The following RORA variants were observed in gnomAD, a reference collection of about 807,000 sequenced individuals.
RORA encodes nuclear receptor ROR-alpha.
RORA carries 7 observed loss-of-function variants against 69.5 expected under a neutral mutation model. That is an observed-to-expected ratio of 0.10 (90% CI 0.06 to 0.19). The LOEUF (loss-of-function observed/expected upper bound fraction) is 0.19, where lower values mean the gene tolerates loss of function less well. RORA is among the 10% of genes least tolerant of loss of function. RORA has a pLI of 1.00. For missense variants in RORA, 457 were observed against 663.0 expected (o/e 0.69, Z 3.41); for synonymous variants, 261 against 240.8 (o/e 1.08, Z -0.78).
intron 1 of RORA, among the ~76,000 whole-genome samples, chr15:61,161,767 G>C (rs3919687): frequency 0.041 from 6,223 of 152,152 alleles, 443 homozygotes; most frequent in African/African-American, 0.14. Context: ...CCAATATGAA[G>C]TGCAAATCTA....
At chr15:60,546,776 A>G (rs2067083317) in intron 2 of RORA, among the ~76,000 whole-genome samples, 1 of 152,198 alleles carries the variant, frequency 6.6e-6, no homozygotes, top group African/African-American at 2.4e-5. Flanking sequence ...TAAAAGCACC[A>G]AGCGGCCTCA....
chr15:61,136,025 T>C (rs2079237074), intron 1 of RORA, among the ~76,000 whole-genome samples: 2 of 152,214 alleles, frequency 1.3e-5, no homozygotes, highest in Admixed American at 6.5e-5. Flanking sequence ...CCAGGTGGTA[T>C]TTGTTTGAAC....
chr15:60,846,258 G>T (rs2073263784), intron 1 of RORA, among the ~76,000 whole-genome samples: 1 of 152,304 alleles, frequency 6.6e-6, no homozygotes, highest in South Asian at 2.1e-4. Flanking sequence ...GAACCACATT[G>T]GTGCCCGTAC....
At chr15:60,879,744 G>A (rs921261317) in intron 1 of RORA, among the ~76,000 whole-genome samples, 2 of 152,202 alleles carry the variant, frequency 1.3e-5, no homozygotes, top group Non-Finnish European at 2.9e-5. Context: ...ATAGCACTGA[G>A]GGTTAGGGTC....
chr15:60,941,997 G>A (rs546683489), intron 1 of RORA, among the ~76,000 whole-genome samples: 1 of 152,270 alleles, frequency 6.6e-6, no homozygotes, highest in South Asian at 2.1e-4. Flanking sequence ...CATAAAATCT[G>A]CTAAGTCTTC....
intron 1 of RORA, chr15:60,706,322 C>T (rs866948989): frequency 2.0e-5 from 3 of 152,330 alleles, no homozygotes; most frequent in Middle Eastern, 3.4e-3. Context: ...ACAGCACCCT[C>T]AAGCAGCACA....
intron 1 of RORA, among the ~76,000 whole-genome samples, chr15:60,722,631 C>A (rs2071308051): frequency 6.6e-6 from 1 of 152,236 alleles, no homozygotes; most frequent in Non-Finnish European, 1.5e-5. Flanking sequence ...TCTGGTTCAG[C>A]TGACTTCCCT....
intron 1 of RORA, among the ~76,000 whole-genome samples, chr15:60,926,729 A>C (rs1490423819): frequency 6.6e-6 from 1 of 152,256 alleles, no homozygotes; most frequent in African/African-American, 2.4e-5. Context: ...AGCTGAATAC[A>C]TTATGATTTA....
intron 1 of RORA, among the ~76,000 whole-genome samples, chr15:61,074,349 T>C (rs978046064): frequency 6.6e-6 from 1 of 152,196 alleles, no homozygotes; most frequent in Non-Finnish European, 1.5e-5. Flanking sequence ...ATAAAGGAGT[T>C]ATATAATTTA....
At chr15:61,127,750 G>C (rs1177214165) in intron 1 of RORA, among the ~76,000 whole-genome samples, 2 of 152,118 alleles carry the variant, frequency 1.3e-5, no homozygotes, top group Non-Finnish European at 2.9e-5. Context: ...AGTTGTCCTT[G>C]AGCTCATTTG....
In RORA at chr15:61,033,153, T is replaced by C. The variant is rs1165319845; in HGVS notation, c.166+195900A>G. ...CTATACCCCAAGGAGTTTGTGCATG[T>C]TGATCACTGAGCTTGGAACAAATTT... is the stretch of plus-strand genomic sequence containing the variant. On this transcript the variant is annotated intron_variant, in intron 1 of 10. Coordinates refer to ENST00000335670, the MANE Select transcript of RORA (RefSeq NM_134261.3). Among the ~76,000 whole-genome samples, 3 of 152,274 alleles carry C rather than the reference T, an allele frequency of 2.0e-5. No individual in the cohort carries two copies. The East Asian group carries it at 5.8e-4, about 29-fold the overall frequency.
intron 1 of RORA, among the ~76,000 whole-genome samples, chr15:60,790,075 AC>A (rs2072393839): frequency 6.6e-6 from 1 of 152,136 alleles, no homozygotes; most frequent in African/African-American, 2.4e-5. Context: ...AAGAAGCAAT[AC>A]CCCAAGTGAA....
At chr15:61,154,737 C>A (rs28564272) in intron 1 of RORA, among the ~76,000 whole-genome samples, 15 of 152,268 alleles carry the variant, frequency 9.9e-5, no homozygotes, top group African/African-American at 2.9e-4. Context: ...GGTCTTAGAG[C>A]TAGGGTACCC....
intron 2 of RORA, among the ~76,000 whole-genome samples, chr15:60,545,501 G>C (rs573195275): frequency 6.6e-6 from 1 of 152,328 alleles, no homozygotes; most frequent in Non-Finnish European, 1.5e-5. Flanking sequence ...TAGATGAGCT[G>C]ATTAGTATGG....
chr15:61,022,090 G>T lies in RORA; in HGVS notation c.166+206963C>A, dbSNP rs571701340. Among the ~76,000 whole-genome samples the T allele has an allele frequency of 2.4e-3, 372 of 152,282 alleles. 4 individuals are homozygous for T. Among genetic ancestry groups the T allele is most frequent in the African/African-American group, 8.5e-3 (354 of 41,562 alleles). ...TCTGTAAAGAGTGGGAAAGGTGAAG[G>T]CTCTAAATCAGATTTTGCCTGAATT... is the stretch of plus-strand genomic sequence containing the variant. On this transcript the variant is annotated intron_variant, in intron 1 of 10. Transcript: ENST00000335670.
intron 1 of RORA, among the ~76,000 whole-genome samples, chr15:61,097,621 T>C (rs1232647345): frequency 6.6e-6 from 1 of 152,174 alleles, no homozygotes; most frequent in Non-Finnish European, 1.5e-5. Flanking sequence ...AATAAGTGGA[T>C]AAAATAAAGT....
At chr15:61,070,088 TAC>T (rs2078319548) in intron 1 of RORA, among the ~76,000 whole-genome samples, 1 of 152,252 alleles carries the variant, frequency 6.6e-6, no homozygotes, top group African/African-American at 2.4e-5. Flanking sequence ...TTATATGTTA[TAC>T]GTTTTCTATT....
intron 1 of RORA, among the ~76,000 whole-genome samples, chr15:60,864,183 T>C (rs954836807): frequency 2.0e-5 from 3 of 152,280 alleles, no homozygotes; most frequent in South Asian, 4.2e-4. Context: ...AGTGTTAATA[T>C]TTTGAGATGA....
intron 1 of RORA, among the ~76,000 whole-genome samples, chr15:60,773,985 AT>A: frequency 6.6e-6 from 1 of 152,212 alleles, no homozygotes; most frequent in East Asian, 1.9e-4. Flanking sequence ...TAAGATGCTA[AT>A]TGTTCATGCA....
Sources: allele counts gnomAD v4.1 joint callset (sites outside exome capture counted in the v4.1 genomes callset), GRCh38; gene constraint gnomAD v4.1.1; transcripts MANE v1.5; gene names NCBI Gene and HGNC (gene_info 2026-07-23, HGNC 2026-07-21).